IFFO2: variants seen among roughly 807,000 people sequenced by gnomAD.
The protein encoded by IFFO2 is intermediate filament family orphan 2.
IFFO2 carries 19 observed loss-of-function variants against 53.5 expected under a neutral mutation model. That is an observed-to-expected ratio of 0.36 (90% CI 0.25 to 0.52). IFFO2 has a LOEUF of 0.52. IFFO2 is among the 20% of genes least tolerant of loss of function. The pLI is 0.94. For synonymous variants in IFFO2, 303 were observed against 313.6 expected, an observed-to-expected ratio of 0.97 and a Z score of 0.36; for missense variants, 570 against 727.4, an observed-to-expected ratio of 0.78 and a Z score of 2.49.
At position 18,928,927 on chromosome 1, in the gene IFFO2, C is replaced by T. The variant is rs1222056210; in HGVS notation, c.666-7806G>A. The stretch of plus-strand genomic sequence containing the variant: ...CATCCGGAGTTATCCTGGGTGCCAT[C>T]AGGGCTCTGACAGCCTGCACTCAAC... On this transcript the variant is annotated intron_variant, in intron 1 of 8. Coordinates refer to ENST00000455833, the MANE Select transcript of IFFO2 (RefSeq NM_001136265.2). This position sits in a 1 kb window ranked among gnomAD's most constrained non-coding sequence, Gnocchi z 4.9. Among the ~76,000 whole-genome samples, 1 of 152,210 alleles carries T rather than the reference C, an allele frequency of 6.6e-6. No individual in the cohort carries two copies. The highest frequency in any genetic ancestry group is 2.4e-5 in the African/African-American group (1 of 41,452).
In IFFO2 at chr1:18,919,710, C is replaced by T. The variant is rs1557641093; in HGVS notation, c.790G>A (p.Glu264Lys). The T allele has an allele frequency of 1.3e-6, 2 of 1,551,662 alleles. No homozygotes were observed. Among genetic ancestry groups the T allele is most frequent in the Non-Finnish European group, 1.7e-6 (2 of 1,146,966 alleles). Reference sequence around the variant, plus strand: ...ATAAGCCCCTTAAACACCACCAGCTCGGCCTTGAGCCGCTCGATCTTCTCA... The same window carrying T: ...ATAAGCCCCTTAAACACCACCAGCTTGGCCTTGAGCCGCTCGATCTTCTCA... Reference protein sequence around the residue: ...MNEKIERLKAELVVFKGLMSD... With the variant: ...MNEKIERLKAKLVVFKGLMSD... Residue 264 changes from glutamate (E) to lysine (K), a missense_variant, in exon 3 of 9, where the codon GAG (glutamate) becomes AAG (lysine). By Grantham distance (56) the Glu-to-Lys change is moderately conservative (BLOSUM62 1). Transcript: ENST00000455833. This position sits in a 1 kb window ranked among gnomAD's most constrained non-coding sequence, Gnocchi z 4.9.
rs1936177879 is a variant in IFFO2, at chr1:18,919,156, C to G, written c.822+522G>C. ...GACCTGGGTCCCCAGCAGCAAGGAG[C>G]CCTTTGCTGCCAACAGCTCCCCCCA... is the stretch of plus-strand genomic sequence containing the variant. On this transcript the variant is annotated intron_variant, in intron 3 of 8. Transcript: ENST00000455833. This position sits in a 1 kb window ranked among gnomAD's most constrained non-coding sequence, Gnocchi z 4.9. 6.6e-6 allele frequency among the ~76,000 whole-genome samples: 1 copy of G among 152,202 alleles called. No individual in the cohort carries two copies. Among genetic ancestry groups the G allele is most frequent in the Non-Finnish European group, 1.5e-5 (1 of 68,036 alleles).
chr1:18,926,691 G>A (rs1327684785), intron 1 of IFFO2, among the ~76,000 whole-genome samples: 1 of 152,094 alleles, frequency 6.6e-6, no homozygotes, highest in East Asian at 1.9e-4. Flanking sequence ...TTCTATGCCA[G>A]TCCCCACCCC....
rs1167205282 is a variant in IFFO2 at position 18,955,805 on chromosome 1, C to T, written c.528G>A (p.Glu176=). ...ACGACACGCCGGGGCCCTGCACGGT[C>T]TCCACGCCGCCGCCGCCCGTGCGCC... The part of the protein sequence containing the change: ...QVRRTGGGGV[E]TVQGPGVSWV... Residue 176 remains glutamate (E), a synonymous_variant, in exon 1 of 9, where the codon GAG becomes GAA. Transcript: ENST00000455833. The T allele has an allele frequency of 5.9e-6, 9 of 1,529,470 alleles. No individual in the cohort carries two copies. The East Asian group carries it at 1.3e-4, about 22-fold the overall frequency. The allele number at this position is 1,529,470 out of a possible 1,614,324, so 94.7% of individuals were successfully genotyped here.
intron 1 of IFFO2, among the ~76,000 whole-genome samples, chr1:18,926,058 T>A (rs56094360): frequency 2.4e-3 from 115 of 48,142 alleles, no homozygotes; most frequent in South Asian, 4.3e-3. Context: ...GATGGATTGG[T>A]TGGATGGATG....
chr1:18,916,785 G>GA lies in IFFO2; in HGVS notation c.1103+117dup. On this transcript the variant is annotated intron_variant, in intron 5 of 8. Coordinates refer to ENST00000455833, the MANE Select transcript of IFFO2 (RefSeq NM_001136265.2). This position sits in a 1 kb window ranked among gnomAD's most constrained non-coding sequence, Gnocchi z 4.3. ...GAGACCCTGTCTCAAAAAAAAAAAG[G>GA]AAATGAATTCAAATTCTTCCAGTGC... 2 of 1,270,418 alleles carry GA rather than the reference G, an allele frequency of 1.6e-6. No homozygotes were observed. The highest frequency in any genetic ancestry group is 2.1e-6 in the Non-Finnish European group (2 of 935,832). The allele number at this position is 1,270,418 out of a possible 1,614,324, so 78.7% of individuals were successfully genotyped here.
intron 5 of IFFO2, among the ~76,000 whole-genome samples, chr1:18,913,072 C>G (rs1288849963): frequency 6.6e-6 from 1 of 152,242 alleles, no homozygotes; most frequent in East Asian, 1.9e-4. Context: ...AGGCTGCCAT[C>G]CCAGGGCTCT....
chr1:18,943,827 G>A (rs1163477712), intron 1 of IFFO2, among the ~76,000 whole-genome samples: 1 of 152,218 alleles, frequency 6.6e-6, no homozygotes, highest in Non-Finnish European at 1.5e-5. Context: ...TAGGTGGAGG[G>A]AGCTTCATCC....
intron 1 of IFFO2, among the ~76,000 whole-genome samples, chr1:18,944,859 A>G (rs1396683225): frequency 6.6e-6 from 1 of 152,238 alleles, no homozygotes; most frequent in African/African-American, 2.4e-5. Flanking sequence ...AGTAGAGATC[A>G]AAACAAGAAA....
chr1:18,931,954 C>T (rs1480693986), intron 1 of IFFO2, among the ~76,000 whole-genome samples: 24 of 152,234 alleles, frequency 1.6e-4, no homozygotes, highest in Non-Finnish European at 1.5e-5. Context: ...CCACTTTGCC[C>T]ATGCACTTAT....
intron 5 of IFFO2, among the ~76,000 whole-genome samples, chr1:18,915,905 A>G: frequency 6.6e-6 from 1 of 151,842 alleles, no homozygotes; most frequent in Non-Finnish European, 1.5e-5. Flanking sequence ...TAGGCAGATC[A>G]CTGGAGGTCA....
At chr1:18,943,238 G>T (rs1440356632) in intron 1 of IFFO2, among the ~76,000 whole-genome samples, 1 of 152,024 alleles carries the variant, frequency 6.6e-6, no homozygotes, top group Non-Finnish European at 1.5e-5. Context: ...AATTAGCTGG[G>T]TGTAGTGGTG....
chr1:18,908,169 C>A lies in IFFO2; in HGVS notation c.*392G>T. On this transcript the variant is annotated 3_prime_UTR_variant, in exon 9 of 9. Coordinates refer to ENST00000455833, the MANE Select transcript of IFFO2 (RefSeq NM_001136265.2). ...GGGACGGACGGCAGAAACCACATTA[C>A]ACCACGGCCGGTTGGCCCGGCCCTC... is the stretch of plus-strand genomic sequence containing the variant. 3.9e-5 allele frequency: 9 copies of A among 230,462 alleles called. No individual in the cohort carries two copies. Among genetic ancestry groups the A allele is most frequent in the South Asian group, 2.4e-4 (4 of 16,972 alleles). The allele number at this position is 230,462 out of a possible 1,614,324, so 14.3% of individuals were successfully genotyped here.
chr1:18,911,322 G>C, intron 7 of IFFO2, 62 bp downstream of exon 7: 1 of 836,506 alleles, frequency 1.2e-6, no homozygotes, highest in Non-Finnish European at 1.7e-6. Context: ...TGATCGCCAG[G>C]ATCTCAACCA....
At chr1:18,920,356 ATTATC>A (rs1936199852) in intron 2 of IFFO2, among the ~76,000 whole-genome samples, 1 of 152,246 alleles carries the variant, frequency 6.6e-6, no homozygotes, top group Non-Finnish European at 1.5e-5. Context: ...CGCATTGACA[ATTATC>A]TTAATCTGTC....
chr1:18,935,024 C>T (rs953344169), intron 1 of IFFO2, among the ~76,000 whole-genome samples: 1 of 152,182 alleles, frequency 6.6e-6, no homozygotes, highest in Non-Finnish European at 1.5e-5. Context: ...TCTAAAGAGC[C>T]ATGTGTGACG....
intron 1 of IFFO2, among the ~76,000 whole-genome samples, chr1:18,924,395 G>A (rs74969528): frequency 0.081 from 12,296 of 152,280 alleles, 680 homozygotes; most frequent in Non-Finnish European, 0.12. Context: ...GCCCACAAGA[G>A]TAAGGTTTCA....
intron 1 of IFFO2, among the ~76,000 whole-genome samples, chr1:18,943,915 A>T (rs2148187599): frequency 6.6e-6 from 1 of 152,344 alleles, no homozygotes; most frequent in African/African-American, 2.4e-5. Flanking sequence ...GCTCCGAGTC[A>T]TGCCTTTGGC....
In IFFO2 at chr1:18,918,849, C is replaced by T. The variant is rs538616851; in HGVS notation, c.823-347G>A. On this transcript the variant is annotated intron_variant, in intron 3 of 8. Transcript: ENST00000455833. The surrounding 1 kb of genome is among the most constrained non-coding windows in gnomAD (Gnocchi z 5.2). ...AGAAAGACAGCCCTTCTTTTCCCAC[C>T]GGCACACCCCACCTGTCCCCCACAC... is the stretch of plus-strand genomic sequence containing the variant. Among the ~76,000 whole-genome samples the T allele has an allele frequency of 6.6e-5, 10 of 152,230 alleles. No individual in the cohort carries two copies. Among genetic ancestry groups the T allele is most frequent in the Middle Eastern group, 3.4e-3 (1 of 294 alleles).
Sources: allele counts gnomAD v4.1 joint callset (sites outside exome capture counted in the v4.1 genomes callset), GRCh38; gene constraint gnomAD v4.1.1; non-coding constraint Gnocchi (gnomAD v3.1); transcripts MANE v1.5; gene names NCBI Gene and HGNC (gene_info 2026-07-23, HGNC 2026-07-21).